SLC7A7: variants seen among roughly 807,000 people sequenced by gnomAD.
SLC7A7 encodes solute carrier family 7 member 7, also known as Y+L amino acid transporter 1.
A neutral mutation model predicts 47.9 loss-of-function variants in SLC7A7; 39 were observed. The ratio of observed to expected loss-of-function variants is 0.81; its 90% CI spans 0.63 to 1.06. The LOEUF is 1.06. SLC7A7 is among the 50% of genes least tolerant of loss of function. SLC7A7 has a pLI of 0.00. For synonymous variants in SLC7A7, 234 were observed against 242.8 expected, an observed-to-expected ratio of 0.96 and a Z score of 0.34; for missense variants, 588 against 632.0, an observed-to-expected ratio of 0.93 and a Z score of 0.75.
intron 2 of SLC7A7, among the ~76,000 whole-genome samples, chr14:22,811,641 G>T (rs183817483): frequency 1.3e-5 from 2 of 152,222 alleles, no homozygotes; most frequent in East Asian, 3.9e-4. Context: ...CTTGAGCTCA[G>T]GAGTTCGAGT....
chr14:22,792,207 T>G (rs1217397615), intron 2 of SLC7A7, among the ~76,000 whole-genome samples: 2 of 152,162 alleles, frequency 1.3e-5, no homozygotes, highest in African/African-American at 4.8e-5. Flanking sequence ...CCACTCTCCC[T>G]AGGTGCTGTT....
intron 2 of SLC7A7, among the ~76,000 whole-genome samples, chr14:22,781,994 C>G (rs925851001): frequency 6.6e-6 from 1 of 152,198 alleles, no homozygotes; most frequent in Non-Finnish European, 1.5e-5. Context: ...TCAGTTCTGT[C>G]CAGGGATGTA....
chr14:22,775,033 T>C (rs1057469473), intron 7 of SLC7A7, among the ~76,000 whole-genome samples: 1 of 152,210 alleles, frequency 6.6e-6, no homozygotes, highest in African/African-American at 2.4e-5. Flanking sequence ...CTCTACCATT[T>C]GCAACCCTAG....
At chr14:22,797,519 A>G (rs2039039517) in intron 2 of SLC7A7, among the ~76,000 whole-genome samples, 5 of 152,196 alleles carry the variant, frequency 3.3e-5, no homozygotes, top group Admixed American at 2.0e-4. Flanking sequence ...AAAAGTGGAC[A>G]TTGACAATTA....
chr14:22,775,368 C>T, intron 7 of SLC7A7, 76 bp downstream of exon 7: 1 of 1,158,076 alleles, frequency 8.6e-7, no homozygotes. Flanking sequence ...TTTCAGGAAG[C>T]TAGAACAGTC....
chr14:22,776,435 A>G (rs1256532323), intron 4 of SLC7A7, 117 bp from the exon 5 acceptor site: 66 of 1,323,160 alleles, frequency 5.0e-5, no homozygotes, highest in Non-Finnish European at 6.6e-5. Flanking sequence ...CTGTTGCTAC[A>G]TTTCCTCAAT....
At chr14:22,804,855 A>C (rs1053729189) in intron 2 of SLC7A7, among the ~76,000 whole-genome samples, 7 of 151,942 alleles carry the variant, frequency 4.6e-5, no homozygotes, top group Non-Finnish European at 1.0e-4. Flanking sequence ...CAAATACAAA[A>C]TTAGCTGGGC....
chr14:22,815,225 C>T, intron 1 of SLC7A7, 95 bp downstream of exon 1: 27 of 386,606 alleles, frequency 7.0e-5, no homozygotes, highest in South Asian at 5.1e-4. Flanking sequence ...GGGTGAGAGG[C>T]ACTCGGGAGA....
chr14:22,773,600 C>T lies in SLC7A7; in HGVS notation c.*10G>A. ...ACCCCTGCTTTCCACATCAGGATTC[C>T]AGATGGTGTTTAGTTAGATTTGGGA... On this transcript the variant is annotated 3_prime_UTR_variant, in exon 10 of 10. Coordinates refer to ENST00000674313, the MANE Select transcript of SLC7A7 (RefSeq NM_003982.4). The T allele has an allele frequency of 6.2e-7, 1 of 1,608,088 alleles. No individual in the cohort carries two copies. Among genetic ancestry groups the T allele is most frequent in the Non-Finnish European group, 8.5e-7 (1 of 1,174,412 alleles).
chr14:22,776,103 C>G, intron 5 of SLC7A7, 92 bp downstream of exon 5: 1 of 1,567,350 alleles, frequency 6.4e-7, no homozygotes, highest in Non-Finnish European at 8.8e-7. Context: ...CCTTTCAAGG[C>G]TGTCTACCCC....
intron 2 of SLC7A7, among the ~76,000 whole-genome samples, chr14:22,801,732 G>A (rs907261684): frequency 6.6e-6 from 1 of 152,118 alleles, no homozygotes; most frequent in Non-Finnish European, 1.5e-5. Flanking sequence ...CTGAGATTGC[G>A]CCACTGCACT....
At chr14:22,791,127 C>T (rs1206131152) in intron 2 of SLC7A7, among the ~76,000 whole-genome samples, 1 of 152,130 alleles carries the variant, frequency 6.6e-6, no homozygotes, top group East Asian at 1.9e-4. Flanking sequence ...CAACTCCTCT[C>T]TGCCTTTATT....
At chr14:22,783,774 C>G (rs1054611182) in intron 2 of SLC7A7, among the ~76,000 whole-genome samples, 3 of 152,154 alleles carry the variant, frequency 2.0e-5, no homozygotes, top group African/African-American at 7.2e-5. Flanking sequence ...CCACCTCCCC[C>G]ACTCCTGAGC....
chr14:22,774,123 G>A lies in SLC7A7; in HGVS notation c.1246-7C>T, dbSNP rs370138050. ...TCGGGAAGAAAACGCTGAGCTAAGG[G>A]CACAGGAAACATAACTGGAGTGGAC... On this transcript the variant is annotated splice_polypyrimidine_tract_variant and splice_region_variant and intron_variant, in intron 8 of 9. Coordinates refer to ENST00000674313, the MANE Select transcript of SLC7A7 (RefSeq NM_003982.4). 8.7e-6 allele frequency: 14 copies of A among 1,614,086 alleles called. No individual in the cohort carries two copies. The highest frequency in any genetic ancestry group is 1.2e-5 in the Non-Finnish European group (14 of 1,180,012).
chr14:22,815,906 G>A, upstream of SLC7A7: 1 of 352,602 alleles, frequency 2.8e-6, no homozygotes, highest in South Asian at 2.1e-5. Flanking sequence ...ATTACAGGAA[G>A]TGTAAGAGCA....
chr14:22,812,289 C>T (rs1036703095), intron 2 of SLC7A7, among the ~76,000 whole-genome samples: 2 of 152,002 alleles, frequency 1.3e-5, no homozygotes, highest in African/African-American at 4.8e-5. Context: ...GCCTCAGCCT[C>T]CTGAGTAGCT....
At chr14:22,807,715 G>A (rs1470213160) in intron 2 of SLC7A7, among the ~76,000 whole-genome samples, 3 of 152,084 alleles carry the variant, frequency 2.0e-5, no homozygotes, top group Non-Finnish European at 4.4e-5. Flanking sequence ...GGAATTCTCT[G>A]AACATTCTGT....
intron 2 of SLC7A7, among the ~76,000 whole-genome samples, chr14:22,781,192 G>A (rs1950976593): frequency 6.6e-6 from 1 of 152,226 alleles, no homozygotes; most frequent in South Asian, 2.1e-4. Context: ...AGAGAATGAG[G>A]CCTAGTACAG....
chr14:22,800,825 G>A (rs1290232803), intron 2 of SLC7A7, among the ~76,000 whole-genome samples: 1 of 152,078 alleles, frequency 6.6e-6, no homozygotes, highest in Non-Finnish European at 1.5e-5. Context: ...TGTAATCCCA[G>A]CTACTCAGGA....
Sources: allele counts gnomAD v4.1 joint callset (sites outside exome capture counted in the v4.1 genomes callset), GRCh38; gene constraint gnomAD v4.1.1; transcripts MANE v1.5; gene names NCBI Gene and HGNC (gene_info 2026-07-23, HGNC 2026-07-21).